Variants in LRP1B observed in about 807,000 individuals in gnomAD.
The protein encoded by LRP1B is low-density lipoprotein receptor-related protein 1B.
LRP1B carries 217 observed loss-of-function variants against 556.6 expected under a neutral mutation model. The observed-to-expected ratio is 0.39, with a 90% CI of 0.35 to 0.44. The LOEUF is 0.44. Among genes scored for constraint, LRP1B ranks in the 20% least tolerant of loss-of-function variants. The pLI, the probability that LRP1B is intolerant of heterozygous loss-of-function variation, is 1.00. For missense variants in LRP1B, 5,053 were observed against 5,620.8 expected (o/e 0.90, Z 3.23); for synonymous variants, 2,047 against 1,865.8 (o/e 1.10, Z -2.50).
chr2:141,015,619 T>C, intron 13 of LRP1B, 77 bp downstream of exon 13: 1 of 1,177,040 alleles, frequency 8.5e-7, no homozygotes, highest in Non-Finnish European at 1.2e-6. Flanking sequence ...AACTTGAAAG[T>C]ATTTTTAACA....
intron 3 of LRP1B, among the ~76,000 whole-genome samples, chr2:141,405,429 A>G (rs1367310670): frequency 6.6e-6 from 1 of 152,192 alleles, no homozygotes; most frequent in African/African-American, 2.4e-5. Flanking sequence ...TCATAATCAC[A>G]TAATTTATAA....
chr2:140,993,951 A>T lies in LRP1B; in HGVS notation c.2644+44T>A, dbSNP rs750256710. The T allele has an allele frequency of 1.4e-5, 22 of 1,597,532 alleles. No homozygotes were observed. In the African/African-American group the frequency reaches 2.0e-4, roughly 15 times the overall value. Reference sequence around the variant, plus strand: ...GCCTTGATAATTCACACACTCAAAGACTCAGGAAAATACAATTTTTAGGTG... The same window carrying T: ...GCCTTGATAATTCACACACTCAAAGTCTCAGGAAAATACAATTTTTAGGTG... On this transcript the variant is annotated intron_variant, in intron 16 of 90. Coordinates refer to ENST00000389484, the MANE Select transcript of LRP1B (RefSeq NM_018557.3).
intron 1 of LRP1B, among the ~76,000 whole-genome samples, chr2:141,869,687 CT>C (rs1200891342): frequency 3.9e-5 from 6 of 152,062 alleles, no homozygotes; most frequent in Non-Finnish European, 7.4e-5. Flanking sequence ...TTTTCATTGT[CT>C]TTGAAAGTTT....
At chr2:141,384,014 C>T (rs1040688387) in intron 3 of LRP1B, among the ~76,000 whole-genome samples, 13 of 152,108 alleles carry the variant, frequency 8.5e-5, no homozygotes, top group Non-Finnish European at 1.2e-4. Context: ...ACCACACTCA[C>T]ACACAAAAAA....
chr2:141,942,351 C>T (rs375589074), intron 1 of LRP1B, among the ~76,000 whole-genome samples: 23 of 151,450 alleles, frequency 1.5e-4, no homozygotes, highest in African/African-American at 5.3e-4. Flanking sequence ...TTGAAGCCAA[C>T]CTTTTTATTG....
intron 7 of LRP1B, among the ~76,000 whole-genome samples, chr2:141,124,435 T>G (rs1701146983): frequency 6.6e-6 from 1 of 152,182 alleles, no homozygotes; most frequent in African/African-American, 2.4e-5. Flanking sequence ...ATAGCCATAT[T>G]AATTTCGCTT....
Position 140,515,369 on chromosome 2 carries a change from G to C in LRP1B, c.8150-597C>G, listed in dbSNP as rs1279034646. 2.0e-5 allele frequency among the ~76,000 whole-genome samples: 3 copies of C among 151,848 alleles called. No individual in the cohort carries two copies. In the East Asian group the frequency reaches 5.8e-4, roughly 29 times the overall value. ...TAACACCTAAATTAATTGGCATAGT[G>C]GCTGGCTTTTTTATTATTAGATTAT... On this transcript the variant is annotated intron_variant, in intron 50 of 90. Transcript: ENST00000389484.
intron 66 of LRP1B, among the ~76,000 whole-genome samples, chr2:140,390,339 C>G (rs2105207988): frequency 6.6e-6 from 1 of 151,980 alleles, no homozygotes; most frequent in Middle Eastern, 3.4e-3. Flanking sequence ...CAATAAAGGC[C>G]TGTAGTCAAT....
chr2:140,887,261 T>G (rs1693664159), intron 23 of LRP1B, among the ~76,000 whole-genome samples: 1 of 152,194 alleles, frequency 6.6e-6, no homozygotes, highest in Admixed American at 6.5e-5. Flanking sequence ...GGATTTAGCA[T>G]TTTTAAAATA....
chr2:140,536,208 C>T (rs1418534691), intron 46 of LRP1B, among the ~76,000 whole-genome samples: 4 of 147,898 alleles, frequency 2.7e-5, no homozygotes, highest in African/African-American at 1.0e-4. Context: ...TTCACATTCA[C>T]GGAGTGCTGT....
intron 35 of LRP1B, among the ~76,000 whole-genome samples, chr2:140,763,203 T>G (rs16844636): frequency 0.031 from 4,654 of 152,196 alleles, 234 homozygotes; most frequent in African/African-American, 0.1. Context: ...AATTTTTCAA[T>G]CTCTCAGCAG....
intron 27 of LRP1B, among the ~76,000 whole-genome samples, chr2:140,862,952 G>A (rs1405714626): frequency 6.6e-6 from 1 of 152,162 alleles, no homozygotes; most frequent in Admixed American, 6.5e-5. Context: ...CCTGGTTCCT[G>A]GGCCTGTGAA....
intron 84 of LRP1B, among the ~76,000 whole-genome samples, chr2:140,291,509 G>A (rs1047318062): frequency 5.3e-5 from 8 of 150,818 alleles, no homozygotes; most frequent in African/African-American, 1.9e-4. Context: ...CCCTTCCTGT[G>A]TCCATGTGTT....
chr2:141,024,503 C>A (rs1253586090), intron 11 of LRP1B, among the ~76,000 whole-genome samples: 1 of 151,948 alleles, frequency 6.6e-6, no homozygotes, highest in Non-Finnish European at 1.5e-5. Flanking sequence ...CAGATCATCA[C>A]TCTATGACAT....
At chr2:141,624,186 G>A (rs1399495613) in intron 2 of LRP1B, among the ~76,000 whole-genome samples, 3 of 152,014 alleles carry the variant, frequency 2.0e-5, no homozygotes, top group Admixed American at 6.5e-5. Context: ...TTTAAAGGCA[G>A]CTAGTAGGGT....
intron 51 of LRP1B, 81 bp from the exon 52 acceptor site, chr2:140,510,137 G>A (rs1014027148): frequency 3.4e-6 from 5 of 1,462,362 alleles, no homozygotes; most frequent in Middle Eastern, 2.4e-4. Context: ...TCTACAGTAA[G>A]GGGGGAAGCA....
intron 8 of LRP1B, 152 bp from the exon 9 acceptor site, chr2:141,059,206 C>A: frequency 1.9e-6 from 1 of 517,204 alleles, no homozygotes; most frequent in Non-Finnish European, 3.3e-6. Context: ...TCAACATTTC[C>A]CTGATTAAAA....
chr2:141,435,244 C>T (rs1169610181), intron 3 of LRP1B, among the ~76,000 whole-genome samples: 1 of 152,006 alleles, frequency 6.6e-6, no homozygotes, highest in Non-Finnish European at 1.5e-5. Flanking sequence ...ATGGCAGGTG[C>T]CCACTCCGTG....
intron 37 of LRP1B, among the ~76,000 whole-genome samples, chr2:140,709,078 T>A (rs1162505579): frequency 2.0e-5 from 3 of 152,054 alleles, no homozygotes; most frequent in African/African-American, 7.2e-5. Flanking sequence ...ATATACATAA[T>A]CAAAAAGACC....
Sources: gnomAD v4.1 joint callset for allele counts (sites outside exome capture counted in the v4.1 genomes callset) on GRCh38, gnomAD v4.1.1 for gene constraint, MANE v1.5 for transcripts, NCBI Gene and HGNC (gene_info 2026-07-23, HGNC 2026-07-21) for gene names.